RFC3: variants seen among roughly 807,000 people sequenced by gnomAD.
The protein encoded by RFC3 is replication factor C subunit 3.
In RFC3, 41 loss-of-function variants were observed where a neutral mutation model predicts 45.1. That is an observed-to-expected ratio of 0.91 (90% CI 0.71 to 1.18). The LOEUF is 1.18. Ranked by LOEUF, RFC3 falls within the 50% of genes most tolerant of loss-of-function variation. The pLI, the probability that RFC3 is intolerant of heterozygous loss-of-function variation, is 0.00. For missense variants in RFC3, 423 were observed against 428.1 expected (o/e 0.99, Z 0.10); for synonymous variants, 149 against 144.0 (o/e 1.03, Z -0.25).
intron 8 of RFC3, among the ~76,000 whole-genome samples, chr13:33,952,678 T>C (rs1271501183): frequency 1.3e-5 from 2 of 152,162 alleles, no homozygotes; most frequent in Non-Finnish European, 2.9e-5. Context: ...GTTTTGGTCC[T>C]AGTTGAAAGG....
chr13:33,831,376 A>G (rs1248257793), intron 7 of RFC3, 22 bp downstream of exon 7: 5 of 1,311,992 alleles, frequency 3.8e-6, no homozygotes, highest in Non-Finnish European at 5.5e-6. Flanking sequence ...AAATGATGAC[A>G]GTAAAGCTTT....
chr13:33,922,126 T>C (rs578235488), intron 8 of RFC3, among the ~76,000 whole-genome samples: 6 of 151,064 alleles, frequency 4.0e-5, no homozygotes, highest in African/African-American at 1.5e-4. Flanking sequence ...AAGAGAGTAA[T>C]CTTTAGAAGC....
chr13:33,822,423 G>A (rs1189079757), intron 2 of RFC3, among the ~76,000 whole-genome samples: 3 of 152,134 alleles, frequency 2.0e-5, no homozygotes, highest in African/African-American at 2.4e-5. Context: ...CATATGGAAC[G>A]GTACATTTCT....
intron 8 of RFC3, among the ~76,000 whole-genome samples, chr13:33,889,548 T>G (rs2082550308): frequency 6.6e-6 from 1 of 152,240 alleles, no homozygotes; most frequent in Non-Finnish European, 1.5e-5. Flanking sequence ...CCTTTATTAC[T>G]TCTTTGTGCT....
At chr13:33,834,318 A>ATATATATATATG in intron 7 of RFC3, among the ~76,000 whole-genome samples, 1 of 128,930 alleles carries the variant, frequency 7.8e-6, no homozygotes, top group East Asian at 2.3e-4. Flanking sequence ...ATATATATAT[A>ATATATATATATG]TATATATATA....
At chr13:33,853,044 A>G (rs9538969) in intron 8 of RFC3, among the ~76,000 whole-genome samples, 116,755 of 152,124 alleles carry the variant, frequency 0.77, 47,324 homozygotes, top group Non-Finnish European at 0.92. Context: ...CTCTGCATGT[A>G]TAACAGAGCA....
chr13:33,863,802 C>T (rs1272910735), intron 8 of RFC3, among the ~76,000 whole-genome samples: 1 of 152,150 alleles, frequency 6.6e-6, no homozygotes, highest in Non-Finnish European at 1.5e-5. Context: ...TGGGATCTTG[C>T]CAATTTTCAG....
chr13:33,831,105 G>A (rs1221359869), intron 6 of RFC3, 151 bp from the exon 7 acceptor site: 1 of 626,058 alleles, frequency 1.6e-6, no homozygotes, highest in African/African-American at 1.8e-5. Context: ...CCGACAGGAG[G>A]TGGAACTCAG....
rs1413564661 is a variant in RFC3 at position 33,950,263 on chromosome 13, T to A, written c.880-15824T>A. ...GATGTTCTTAAATAAAAGTGGTTTT[T>A]AAAATTTTTACTGTAACTGTGTAGC... On this transcript the variant is annotated intron_variant, in intron 8 of 8. Transcript: ENST00000434425. Among the ~76,000 whole-genome samples the A allele has an allele frequency of 2.0e-5, 3 of 152,184 alleles. No individual in the cohort carries two copies. In the East Asian group the frequency reaches 5.8e-4, roughly 29 times the overall value.
In RFC3 at chr13:33,821,309, C is replaced by T. The variant is rs767580228; in HGVS notation, c.225+40C>T. ...TTGAGGCCCTGAAAGTAATTTATAG[C>T]GGGGACTTTCAGTCTTGGTCATGTA... is the stretch of plus-strand genomic sequence containing the variant. On this transcript the variant is annotated intron_variant, in intron 2 of 8. Coordinates refer to ENST00000380071, the MANE Select transcript of RFC3 (RefSeq NM_002915.4). 1.1e-5 allele frequency: 18 copies of T among 1,600,078 alleles called. 1 individual carries two copies. The highest frequency in any genetic ancestry group is 7.8e-5 in the South Asian group (7 of 90,280).
intron 2 of RFC3, among the ~76,000 whole-genome samples, chr13:33,822,999 A>G (rs562060155): frequency 7.9e-5 from 12 of 152,298 alleles, no homozygotes; most frequent in African/African-American, 2.9e-4. Context: ...TGAAAAATAG[A>G]TTCTTCTGTA....
chr13:33,934,955 G>A (rs544637772), intron 8 of RFC3, among the ~76,000 whole-genome samples: 3 of 152,190 alleles, frequency 2.0e-5, no homozygotes, highest in African/African-American at 7.2e-5. Flanking sequence ...TGCTCACATT[G>A]TGATGCACCC....
At chr13:33,854,654 A>G (rs761553050) in intron 8 of RFC3, among the ~76,000 whole-genome samples, 38 of 152,100 alleles carry the variant, frequency 2.5e-4, no homozygotes, top group Non-Finnish European at 5.4e-4. Context: ...TGCCCCTGAG[A>G]GATGGTGCAG....
intron 8 of RFC3, among the ~76,000 whole-genome samples, chr13:33,956,801 G>T (rs2083024732): frequency 6.6e-6 from 1 of 152,172 alleles, no homozygotes; most frequent in Admixed American, 6.5e-5. Context: ...ATAATCAAAT[G>T]AGAAAATTTA....
intron 8 of RFC3, among the ~76,000 whole-genome samples, chr13:33,961,586 T>C (rs747751141): frequency 3.3e-5 from 5 of 152,118 alleles, no homozygotes; most frequent in Non-Finnish European, 5.9e-5. Context: ...AAGAAAAACA[T>C]ATGGGCAGAG....
At chr13:33,826,748 G>A (rs1026078998) in intron 4 of RFC3, among the ~76,000 whole-genome samples, 3 of 151,940 alleles carry the variant, frequency 2.0e-5, no homozygotes, top group Non-Finnish European at 4.4e-5. Context: ...GGTAGTTTGA[G>A]TTTTTTTAGA....
intron 8 of RFC3, among the ~76,000 whole-genome samples, chr13:33,881,327 C>T (rs1160702676): frequency 1.3e-5 from 2 of 152,096 alleles, no homozygotes; most frequent in Non-Finnish European, 2.9e-5. Context: ...TGAGAATATT[C>T]ATTCGTTAGT....
At chr13:33,878,596 G>T (rs2082462931) in intron 8 of RFC3, among the ~76,000 whole-genome samples, 3 of 152,160 alleles carry the variant, frequency 2.0e-5, no homozygotes, top group Non-Finnish European at 4.4e-5. Context: ...TGAGTTTGAG[G>T]TGTGTGGTAG....
At chr13:33,939,632 G>A (rs1423628581) in intron 8 of RFC3, among the ~76,000 whole-genome samples, 7 of 152,212 alleles carry the variant, frequency 4.6e-5, no homozygotes. Context: ...AGGAGGGGTG[G>A]TGGAAACACT....
Sources: gnomAD v4.1 joint callset for allele counts (sites outside exome capture counted in the v4.1 genomes callset) on GRCh38, gnomAD v4.1.1 for gene constraint, MANE v1.5 for transcripts, NCBI Gene and HGNC (gene_info 2026-07-23, HGNC 2026-07-21) for gene names.